ADGRL3: variants seen among roughly 807,000 people sequenced by gnomAD.
The protein encoded by ADGRL3 is adhesion G protein-coupled receptor L3.
A neutral mutation model predicts 153.5 loss-of-function variants in ADGRL3; 62 were observed. The ratio of observed to expected loss-of-function variants is 0.40; its 90% confidence interval spans 0.33 to 0.50. ADGRL3 has a LOEUF of 0.50. Ranked by LOEUF, ADGRL3 falls within the 20% of genes least tolerant of loss-of-function variation. ADGRL3 has a pLI of 0.47. For synonymous variants in ADGRL3, 710 were observed against 672.5 expected (o/e 1.06, Z -0.86); for missense variants, 1,641 against 1,859.4 (o/e 0.88, Z 2.16).
At chr4:61,554,992 A>T (rs2098758652) in intron 4 of ADGRL3, among the ~76,000 whole-genome samples, 1 of 152,172 alleles carries the variant, frequency 6.6e-6, no homozygotes, top group Admixed American at 6.5e-5. Flanking sequence ...ATAAACAAGG[A>T]TTGTTTAGTA....
intron 1 of ADGRL3, among the ~76,000 whole-genome samples, chr4:61,207,411 G>T (rs1737811017): frequency 6.6e-6 from 1 of 152,160 alleles, no homozygotes; most frequent in African/African-American, 2.4e-5. Flanking sequence ...GTATTCCATG[G>T]TGTATATGTG....
At chr4:61,670,510 C>A (rs1161524394) in intron 5 of ADGRL3, among the ~76,000 whole-genome samples, 1 of 151,948 alleles carries the variant, frequency 6.6e-6, no homozygotes, top group Non-Finnish European at 1.5e-5. Flanking sequence ...GAAAGAAACA[C>A]CATTTTGTTG....
chr4:61,722,276 A>T (rs555190959), intron 6 of ADGRL3, among the ~76,000 whole-genome samples: 1 of 152,352 alleles, frequency 6.6e-6, no homozygotes, highest in East Asian at 1.9e-4. Context: ...ATAGAATTAT[A>T]ACTATTGTCT....
At chr4:61,258,782 A>G (rs775556816) in intron 1 of ADGRL3, among the ~76,000 whole-genome samples, 1 of 152,190 alleles carries the variant, frequency 6.6e-6, no homozygotes, top group Non-Finnish European at 1.5e-5. Context: ...TAAACAATAG[A>G]TAAGTTAGCT....
intron 21 of ADGRL3, among the ~76,000 whole-genome samples, chr4:62,003,598 T>C (rs2099147897): frequency 6.6e-6 from 1 of 152,138 alleles, no homozygotes; most frequent in South Asian, 2.1e-4. Flanking sequence ...AGCATATAAT[T>C]TGTTGCCCGT....
intron 1 of ADGRL3, among the ~76,000 whole-genome samples, chr4:61,310,159 C>G (rs2094942835): frequency 6.6e-6 from 1 of 151,664 alleles, no homozygotes; most frequent in South Asian, 2.1e-4. Context: ...TTTCTGAGAT[C>G]ATGTGCAGAA....
chr4:61,941,243 G>A (rs974641820), intron 15 of ADGRL3, among the ~76,000 whole-genome samples: 4 of 131,100 alleles, frequency 3.1e-5, no homozygotes, highest in Non-Finnish European at 6.3e-5. Flanking sequence ...GATAGTTGTA[G>A]ATATGCGGTG....
At chr4:61,276,728 G>C (rs2093477668) in intron 1 of ADGRL3, among the ~76,000 whole-genome samples, 1 of 151,934 alleles carries the variant, frequency 6.6e-6, no homozygotes. Flanking sequence ...TTAGTAAGAA[G>C]ACAACTGAAA....
chr4:61,494,323 C>G (rs2098289457), intron 2 of ADGRL3, among the ~76,000 whole-genome samples: 1 of 152,012 alleles, frequency 6.6e-6, no homozygotes. Context: ...CATACATCTC[C>G]TGATACCAAC....
At chr4:61,738,453 G>T (rs2096544371) in intron 8 of ADGRL3, among the ~76,000 whole-genome samples, 1 of 152,072 alleles carries the variant, frequency 6.6e-6, no homozygotes, top group South Asian at 2.1e-4. Context: ...GGGATTGCAG[G>T]GTCAGATGGT....
intron 9 of ADGRL3, among the ~76,000 whole-genome samples, chr4:61,863,163 TGACTAACATAGATC>T (rs2098361786): frequency 6.6e-6 from 1 of 151,446 alleles, no homozygotes; most frequent in African/African-American, 2.4e-5. Context: ...TACCCTGAAG[TGACTAACATAGATC>T]GACACATTAT....
At chr4:62,037,901 C>A in intron 24 of ADGRL3, 45 bp downstream of exon 24, 1 of 1,608,580 alleles carries the variant, frequency 6.2e-7, no homozygotes, top group African/African-American at 1.3e-5. Context: ...CTTAACTATA[C>A]CAGTTACTGT....
Position 61,716,240 on chromosome 4 carries a change from G to T in ADGRL3, c.584-14382G>T, listed in dbSNP as rs183847853. ...CTGGTGTGTGGCTCTAGAAACAGTA[G>T]ATAGAACCTTTTAAAAATCTTAATA... is the stretch of plus-strand genomic sequence containing the variant. On this transcript the variant is annotated intron_variant, in intron 6 of 26. Transcript: ENST00000683033. Among the ~76,000 whole-genome samples the T allele has an allele frequency of 2.1e-3, 318 of 152,164 alleles. 3 individuals carry two copies. The highest frequency in any genetic ancestry group is 7.1e-3 in the African/African-American group (295 of 41,534).
intron 8 of ADGRL3, among the ~76,000 whole-genome samples, chr4:61,807,477 G>A (rs2097564968): frequency 6.6e-6 from 1 of 151,986 alleles, no homozygotes; most frequent in Admixed American, 6.6e-5. Context: ...ATGAAAGAAA[G>A]AAAGCCATTT....
chr4:61,579,311 A>G (rs987935587), intron 4 of ADGRL3, among the ~76,000 whole-genome samples: 1 of 152,080 alleles, frequency 6.6e-6, no homozygotes, highest in African/African-American at 2.4e-5. Flanking sequence ...TTATCTTGAA[A>G]TTACAGTTCT....
At position 61,867,539 on chromosome 4, in the gene ADGRL3, T is replaced by TATATAA. The variant is rs1001275572; in HGVS notation, c.1481-25116_1481-25115insTATAAA. ...GCATATATATATATATATATATATATAATTGTAGGAGAGAAAAGATTTCTT... is the reference window on the plus strand; with the variant it reads ...GCATATATATATATATATATATATATATATAAAATTGTAGGAGAGAAAAGATTTCTT... On this transcript the variant is annotated intron_variant, in intron 9 of 26. Transcript: ENST00000683033. 3.6e-5 allele frequency among the ~76,000 whole-genome samples: 5 copies of TATATAA among 138,742 alleles called. 1 individual carries two copies. Among genetic ancestry groups the TATATAA allele is most frequent in the African/African-American group, 5.2e-5 (2 of 38,634 alleles). 91.0% of individuals were successfully genotyped at this position (138,742 alleles called of 152,430 possible).
At chr4:61,554,411 G>T (rs2098755971) in intron 4 of ADGRL3, among the ~76,000 whole-genome samples, 1 of 151,934 alleles carries the variant, frequency 6.6e-6, no homozygotes, top group South Asian at 2.1e-4. Flanking sequence ...GGTCAGGCTG[G>T]TCTCAAACTC....
chr4:61,460,562 T>C (rs1163664149), intron 2 of ADGRL3, among the ~76,000 whole-genome samples: 1 of 151,676 alleles, frequency 6.6e-6, no homozygotes, highest in African/African-American at 2.4e-5. Flanking sequence ...TGAAGAGAGG[T>C]TGATTAATGA....
chr4:61,643,473 A>C (rs569457366), intron 5 of ADGRL3, among the ~76,000 whole-genome samples: 1 of 151,804 alleles, frequency 6.6e-6, no homozygotes, highest in East Asian at 1.9e-4. Context: ...ATCAATACCT[A>C]ATTTATTGAG....
Sources: allele counts gnomAD v4.1 joint callset (sites outside exome capture counted in the v4.1 genomes callset), GRCh38; gene constraint gnomAD v4.1.1; transcripts MANE v1.5; gene names NCBI Gene and HGNC (gene_info 2026-07-23, HGNC 2026-07-21).